DYNC1LI1: variants seen among roughly 807,000 people sequenced by gnomAD.
DYNC1LI1 encodes the protein dynein cytoplasmic 1 light intermediate chain 1, also known as cytoplasmic dynein 1 light intermediate chain 1.
A neutral mutation model predicts 63.8 loss-of-function variants in DYNC1LI1; 19 were observed. That is an observed-to-expected ratio of 0.30 (90% confidence interval 0.21 to 0.44). DYNC1LI1 has a LOEUF of 0.44. Ranked by LOEUF, DYNC1LI1 falls within the 20% of genes least tolerant of loss-of-function variation. DYNC1LI1 has a pLI of 1.00. For missense variants in DYNC1LI1, 565 were observed against 630.2 expected, an observed-to-expected ratio of 0.90 and a Z score of 1.11; for synonymous variants, 225 against 232.3, an observed-to-expected ratio of 0.97 and a Z score of 0.28.
Position 32,533,026 on chromosome 3 carries a change from T to C in DYNC1LI1, c.1040A>G (p.Asp347Gly), listed in dbSNP as rs770322778. 3 of 1,603,660 alleles carry C rather than the reference T, an allele frequency of 1.9e-6. No homozygotes were observed. The highest frequency in any genetic ancestry group is 1.7e-5 in the Admixed American group (1 of 57,700). ...TTTAGTTATGATGTCTTCAAAATTA[T>C]CTTCTGCTTTTAATGTTTGAAAATT... ...HENFQTLKAE[D>G]NFEDIITKPP... Residue 347 changes from aspartate (D) to glycine (G), a missense_variant, in exon 8 of 13, where the codon GAT becomes GGT. Asp to Gly is a moderately conservative substitution (Grantham distance 94). Coordinates refer to ENST00000273130, the MANE Select transcript of DYNC1LI1 (RefSeq NM_016141.4).
chr3:32,553,236 G>T (rs779781144), intron 2 of DYNC1LI1, among the ~76,000 whole-genome samples: 1 of 152,158 alleles, frequency 6.6e-6, no homozygotes, highest in Non-Finnish European at 1.5e-5. Flanking sequence ...TCAGGAGGCT[G>T]AGGTGGGAGG....
intron 4 of DYNC1LI1, 46 bp from the exon 5 acceptor site, chr3:32,541,252 A>C (rs987497915): frequency 1.5e-6 from 2 of 1,327,948 alleles, no homozygotes; most frequent in Admixed American, 4.5e-5. Flanking sequence ...TCATTTCAGC[A>C]GGTAACTTTT....
rs1559436327 is a variant in DYNC1LI1, at chr3:32,537,974, T to TTTA, written c.739-871_739-870insTAA. ...ATTTATATATATAATATATATATATTTATATATAATATATATATATAATTT... is the reference window on the plus strand; with the variant it reads ...ATTTATATATATAATATATATATATTTTATATATATAATATATATATATAATTT... On this transcript the variant is annotated intron_variant, in intron 5 of 12. Transcript: ENST00000273130. Among the ~76,000 whole-genome samples, 30 of 20,514 alleles carry TTTA rather than the reference T, an allele frequency of 1.5e-3. 4 individuals are homozygous for TTTA. Among genetic ancestry groups the TTTA allele is most frequent in the African/African-American group, 6.8e-3 (24 of 3,532 alleles). The allele number at this position is 20,514 out of a possible 152,430, so 13.5% of individuals were successfully genotyped here. A position where few individuals can be genotyped will look rare whatever the true frequency, so the allele number is the denominator to read the frequency against.
At chr3:32,543,740 G>A (rs1183346334) in intron 4 of DYNC1LI1, among the ~76,000 whole-genome samples, 1 of 150,638 alleles carries the variant, frequency 6.6e-6, no homozygotes, top group Non-Finnish European at 1.5e-5. Flanking sequence ...GCACAATATT[G>A]GCAAATGAAG....
At chr3:32,554,522 C>G (rs1698085361) in intron 2 of DYNC1LI1, among the ~76,000 whole-genome samples, 1 of 152,176 alleles carries the variant, frequency 6.6e-6, no homozygotes, top group Non-Finnish European at 1.5e-5. Flanking sequence ...TAAATCCCCT[C>G]TTCTTACAAA....
intron 2 of DYNC1LI1, among the ~76,000 whole-genome samples, chr3:32,568,979 A>C (rs147793028): frequency 6.6e-6 from 1 of 152,174 alleles, no homozygotes; most frequent in Admixed American, 6.5e-5. Context: ...GCACTAATTC[A>C]ATTTTTTAAA....
At chr3:32,534,011 G>C (rs1206030915) in intron 7 of DYNC1LI1, among the ~76,000 whole-genome samples, 1 of 151,664 alleles carries the variant, frequency 6.6e-6, no homozygotes, top group Non-Finnish European at 1.5e-5. Context: ...CAAGTAGCTG[G>C]GACTACAGGT....
chr3:32,542,737 C>T (rs1203410117), intron 4 of DYNC1LI1, among the ~76,000 whole-genome samples: 3 of 152,056 alleles, frequency 2.0e-5, no homozygotes, highest in Admixed American at 1.3e-4. Flanking sequence ...AAAGAATGTA[C>T]ATTATTACTT....
intron 10 of DYNC1LI1, among the ~76,000 whole-genome samples, chr3:32,529,961 A>G (rs563197893): frequency 2.6e-5 from 4 of 152,296 alleles, no homozygotes; most frequent in African/African-American, 4.8e-5. Flanking sequence ...CTTGTATTCT[A>G]CTAGCTTTAT....
intron 2 of DYNC1LI1, among the ~76,000 whole-genome samples, chr3:32,552,398 G>A (rs930563347): frequency 6.6e-6 from 1 of 152,194 alleles, no homozygotes. Context: ...CCGGCCTCAA[G>A]CATTCCTTCC....
intron 2 of DYNC1LI1, among the ~76,000 whole-genome samples, chr3:32,549,147 C>T (rs1197404764): frequency 6.6e-6 from 1 of 151,892 alleles, no homozygotes; most frequent in African/African-American, 2.4e-5. Context: ...TTGAATTTTA[C>T]CAAGTTCTAT....
intron 10 of DYNC1LI1, 68 bp downstream of exon 10, chr3:32,530,212 ATAAT>A (rs1697676852): frequency 6.4e-6 from 8 of 1,255,546 alleles, no homozygotes; most frequent in South Asian, 5.9e-5. Flanking sequence ...AAATATGTAC[ATAAT>A]TAATAAAAAA....
chr3:32,557,914 C>T (rs1053138385), intron 2 of DYNC1LI1, among the ~76,000 whole-genome samples: 4 of 152,134 alleles, frequency 2.6e-5, no homozygotes, highest in African/African-American at 9.7e-5. Context: ...AAAGCCCTTC[C>T]ATAAAGAACC....
At chr3:32,531,610 T>G (rs1359004681) in intron 8 of DYNC1LI1, 1 of 152,236 alleles carries the variant, frequency 6.6e-6, no homozygotes, top group Non-Finnish European at 1.5e-5. Flanking sequence ...TTTATTTTTA[T>G]GCATGCATTT....
At chr3:32,538,000 A>T (rs1202324842) in intron 5 of DYNC1LI1, among the ~76,000 whole-genome samples, 3 of 39,832 alleles carry the variant, frequency 7.5e-5, no homozygotes, top group South Asian at 1.3e-3. Flanking sequence ...TATATAATTT[A>T]TATATATAAT....
At chr3:32,536,479 A>C (rs1697774911) in intron 6 of DYNC1LI1, among the ~76,000 whole-genome samples, 1 of 152,208 alleles carries the variant, frequency 6.6e-6, no homozygotes, top group South Asian at 2.1e-4. Flanking sequence ...ATCTAGATTA[A>C]CAAGACTTTC....
intron 8 of DYNC1LI1, chr3:32,531,723 T>C (rs1016159934): frequency 6.6e-6 from 1 of 152,150 alleles, no homozygotes; most frequent in Non-Finnish European, 1.5e-5. Flanking sequence ...ATGCTTTATA[T>C]TATGAGTGTT....
intron 2 of DYNC1LI1, among the ~76,000 whole-genome samples, chr3:32,564,310 TCTCTA>T (rs1698231079): frequency 3.3e-5 from 5 of 152,192 alleles, no homozygotes; most frequent in African/African-American, 1.2e-4. Flanking sequence ...CAAGACCCCA[TCTCTA>T]AATAAACAAA....
intron 2 of DYNC1LI1, among the ~76,000 whole-genome samples, chr3:32,557,085 GC>G (rs1698124682): frequency 6.6e-6 from 1 of 152,134 alleles, no homozygotes; most frequent in Admixed American, 6.5e-5. Flanking sequence ...TAGTTGCCTT[GC>G]CACAACCAAG....
Sources: allele counts gnomAD v4.1 joint callset (sites outside exome capture counted in the v4.1 genomes callset), GRCh38; gene constraint gnomAD v4.1.1; transcripts MANE v1.5; gene names NCBI Gene and HGNC (gene_info 2026-07-23, HGNC 2026-07-21).